LIG3: variants seen among roughly 807,000 people sequenced by gnomAD.
LIG3 encodes DNA ligase 3, also known as ligase II, DNA, ATP-dependent.
LIG3 carries 58 observed loss-of-function variants against 110.9 expected under a neutral mutation model. The observed-to-expected ratio is 0.52, with a 90% CI of 0.42 to 0.65. The LOEUF is 0.65. LIG3 is among the 30% of genes least tolerant of loss of function. LIG3 has a pLI of 0.00. For missense variants in LIG3, 1,094 were observed against 1,273.8 expected, an observed-to-expected ratio of 0.86 and a Z score of 2.15; for synonymous variants, 422 against 472.8, an observed-to-expected ratio of 0.89 and a Z score of 1.39.
chr17:34,992,622 A>C lies in LIG3; in HGVS notation c.1385A>C (p.Glu462Ala). 1 of 1,613,818 alleles carries C rather than the reference A, an allele frequency of 6.2e-7. No homozygotes were observed. The highest frequency in any genetic ancestry group is 8.5e-7 in the Non-Finnish European group (1 of 1,179,878). Residue 462 changes from glutamate to alanine, a missense_variant, in exon 8 of 20, where the codon GAG (glutamate) becomes GCG (alanine). Transcript: ENST00000378526. Reference protein sequence around the residue: ...ERVLHNAQEVEKEPGQRRALS... With the variant: ...ERVLHNAQEVAKEPGQRRALS... ...GTCCTTCACAACGCGCAGGAGGTGG[A>C]GAAGGAGCCGGGCCAGAGACGAGCT... is the stretch of plus-strand genomic sequence containing the variant.
At chr17:34,985,458 G>A (rs1055975963) in intron 2 of LIG3, among the ~76,000 whole-genome samples, 1 of 152,116 alleles carries the variant, frequency 6.6e-6, no homozygotes, top group African/African-American at 2.4e-5. Flanking sequence ...TATTGGCCTC[G>A]GCCTTTGTTA....
At chr17:35,002,639 C>A (rs749953081) in intron 18 of LIG3, 29 bp from the exon 19 acceptor site, 1 of 1,604,562 alleles carries the variant, frequency 6.2e-7, no homozygotes, top group South Asian at 1.1e-5. Flanking sequence ...GTGTGCACCA[C>A]CACACCCAGC....
At chr17:35,002,985 T>G (rs1165149349) in intron 19 of LIG3, 196 bp downstream of exon 19, 2 of 1,614,064 alleles carry the variant, frequency 1.2e-6, no homozygotes, top group Non-Finnish European at 1.7e-6. Flanking sequence ...GTCCTCTTGT[T>G]GCCTTGCAGA....
intron 13 of LIG3, 62 bp from the exon 14 acceptor site, chr17:34,998,542 G>A: frequency 6.3e-7 from 1 of 1,594,522 alleles, no homozygotes; most frequent in South Asian, 1.1e-5. Context: ...GCAGTGAAGG[G>A]GTGAACCCAT....
chr17:34,982,727 G>A (rs905112564), intron 1 of LIG3, among the ~76,000 whole-genome samples: 2 of 151,794 alleles, frequency 1.3e-5, no homozygotes, highest in Non-Finnish European at 2.9e-5. Flanking sequence ...TGTTGCTGAT[G>A]GCCTAAAAAG....
rs1895450401 is a variant in LIG3, at chr17:35,008,928, GCCCTTGTTTGTTTTTTTAAGTAGAGA to G, written c.*4424_*4449del. On this transcript the variant is annotated 3_prime_UTR_variant, in exon 20 of 20. Coordinates refer to ENST00000378526, the MANE Select transcript of LIG3 (RefSeq NM_013975.4). The stretch of plus-strand genomic sequence containing the variant: ...TTACAGGCGTGAGCCACCGCACCCG[GCCCTTGTTTGTTTTTTTAAGTAGAGA>G]CAAGGTCTCACTACATTGCCCAGGT... 6.6e-6 allele frequency: 1 copy of G among 152,228 alleles called. No homozygotes were observed. Among genetic ancestry groups the G allele is most frequent in the Non-Finnish European group, 1.5e-5 (1 of 68,080 alleles). 9.4% of individuals were successfully genotyped at this position (152,228 alleles called of 1,614,324 possible).
rs199806002 is a variant in LIG3, at chr17:34,989,646, G to T, written c.872G>T (p.Arg291Leu). Reference sequence around the variant, plus strand: ...ACCCAGATCATCCAGGACTTCCTTCGGAAAGGCTCAGCAGGAGGTGTGGCA... The same window carrying T: ...ACCCAGATCATCCAGGACTTCCTTCTGAAAGGCTCAGCAGGAGGTGTGGCA... ...TKTQIIQDFL[R>L]KGSAGDGFHG... is the part of the protein sequence containing the mutation. The change falls in exon 4 of 20, where the codon CGG becomes CTG. Residue 291 changes from arginine to leucine, a missense_variant. Coordinates refer to ENST00000378526, the MANE Select transcript of LIG3 (RefSeq NM_013975.4). The T allele has an allele frequency of 6.2e-7, 1 of 1,614,084 alleles. No homozygotes were observed. Among genetic ancestry groups the T allele is most frequent in the Admixed American group, 1.7e-5 (1 of 60,014 alleles).
In LIG3 at chr17:34,989,603, C is replaced by A; in HGVS notation, c.829C>A (p.Pro277Thr). The change falls in exon 4 of 20, where the codon CCT (proline) becomes ACT (threonine). Residue 277 changes from proline (P) to threonine (T), a missense_variant. By Grantham distance (38) the Pro-to-Thr change is conservative (BLOSUM62 -1). Transcript: ENST00000378526. ...GTTATGCGCCATGGTGGCCGATAAT[C>A]CTAGCTACAACACGAAGACCCAGAT... is the stretch of plus-strand genomic sequence containing the variant. Reference protein sequence around the residue: ...RKLCAMVADNPSYNTKTQIIQ... With the variant: ...RKLCAMVADNTSYNTKTQIIQ... The A allele has an allele frequency of 6.2e-7, 1 of 1,614,110 alleles. No homozygotes were observed. The highest frequency in any genetic ancestry group is 8.5e-7 in the Non-Finnish European group (1 of 1,180,024).
intron 4 of LIG3, chr17:34,989,964 T>G (rs1400238258): frequency 2.7e-6 from 1 of 367,826 alleles, no homozygotes; most frequent in Non-Finnish European, 5.1e-6. Flanking sequence ...GTTAGAAAAT[T>G]TACTGTCCTA....
Position 34,986,003 on chromosome 17 carries a change from C to T in LIG3, c.563C>T (p.Ala188Val), listed in dbSNP as rs1173241938. ...GATCCTACAGATCTGTCTTCTAAGG[C>T]AGCAGGTACACCAAAGAAGAAAGCT... ...TQHIADLSSKAAGTPKKKAVV... is the reference protein window; with the variant it reads ...TQHIADLSSKVAGTPKKKAVV... The change falls in exon 3 of 20, where the codon GCA (alanine) becomes GTA (valine). Residue 188 changes from alanine to valine, a missense_variant. Transcript: ENST00000378526. The T allele has an allele frequency of 9.3e-6, 15 of 1,614,034 alleles. No homozygotes were observed. Among genetic ancestry groups the T allele is most frequent in the East Asian group, 6.7e-5 (3 of 44,872 alleles).
chr17:34,988,177 C>T (rs906567736), intron 3 of LIG3, among the ~76,000 whole-genome samples: 24 of 119,684 alleles, frequency 2.0e-4, no homozygotes, highest in Non-Finnish European at 3.2e-4. Flanking sequence ...TGGGCGACAG[C>T]GAGACTCTGT....
At position 34,996,552 on chromosome 17, in the gene LIG3, A is replaced by C. The variant is rs913598914; in HGVS notation, c.1744-22A>C. 3 of 1,596,612 alleles carry C rather than the reference A, an allele frequency of 1.9e-6. No homozygotes were observed. In the African/African-American group the frequency reaches 4.0e-5, roughly 21 times the overall value. ...ACTGACTTTTGTCCTATGTGTACCT[A>C]CTACCTCATTTTCCCTTACAGAAAG... On this transcript the variant is annotated intron_variant, in intron 10 of 19. Transcript: ENST00000378526.
Position 34,996,606 on chromosome 17 carries a change from G to A in LIG3, c.1776G>A (p.Leu592=), listed in dbSNP as rs905319348. The change falls in exon 11 of 20, where the codon CTG becomes CTA. Residue 592 remains leucine, a synonymous_variant. Transcript: ENST00000378526. ...KAAFQDANVC[L]FVFDCIYFND... ...CCTTCCAGGATGCTAATGTCTGCCTGTTTGTTTTTGATTGTATCTACTTTA... is the reference window on the plus strand; with the variant it reads ...CCTTCCAGGATGCTAATGTCTGCCTATTTGTTTTTGATTGTATCTACTTTA... The A allele has an allele frequency of 1.9e-6, 3 of 1,613,928 alleles. No individual in the cohort carries two copies. The African/African-American group carries it at 4.0e-5, about 22-fold the overall frequency.
In LIG3 at chr17:34,984,647, C is replaced by CT. The variant is rs1048138062; in HGVS notation, c.547+1109dup. Among the ~76,000 whole-genome samples, 602 of 132,900 alleles carry CT rather than the reference C, an allele frequency of 4.5e-3. 1 individual carries two copies. The highest frequency in any genetic ancestry group is 0.011 in the African/African-American group (386 of 36,446). The allele number at this position is 132,900 out of a possible 152,430, so 87.2% of individuals were successfully genotyped here. ...CATTGTCATGGGGTATCTGTTTCTT[C>CT]TTTTTTTTTTTTTTGAGAGTCTCAC... On this transcript the variant is annotated intron_variant, in intron 2 of 19. Transcript: ENST00000378526.
At chr17:34,988,564 G>A (rs2090683899) in intron 3 of LIG3, among the ~76,000 whole-genome samples, 1 of 152,188 alleles carries the variant, frequency 6.6e-6, no homozygotes, top group African/African-American at 2.4e-5. Context: ...GGAGGTGAAA[G>A]GGAATCACCG....
chr17:34,992,178 T>A, intron 7 of LIG3, 143 bp downstream of exon 7: 1 of 742,368 alleles, frequency 1.3e-6, no homozygotes, highest in Non-Finnish European at 2.3e-6. Context: ...GATCTGTCAC[T>A]TGACCTGTCT....
chr17:34,985,947 G>A (rs767913970), intron 2 of LIG3, 41 bp from the exon 3 acceptor site: 5 of 1,593,362 alleles, frequency 3.1e-6, no homozygotes, highest in South Asian at 2.2e-5. Flanking sequence ...TTCAGAGATC[G>A]TTCACTGAAG....
rs2142269399 is a variant in LIG3, at chr17:34,996,610, G to A, written c.1780G>A (p.Val594Ile). 1 of 1,614,048 alleles carries A rather than the reference G, an allele frequency of 6.2e-7. No individual in the cohort carries two copies. The highest frequency in any genetic ancestry group is 2.2e-5 in the East Asian group (1 of 44,886). The change falls in exon 11 of 20, where the codon GTT becomes ATT. Residue 594 changes from valine to isoleucine, a missense_variant. Physicochemically the swap from Val to Ile is conservative, Grantham distance 29 (BLOSUM62 3). Transcript: ENST00000378526. ...AFQDANVCLF[V>I]FDCIYFNDVS... ...CCAGGATGCTAATGTCTGCCTGTTT[G>A]TTTTTGATTGTATCTACTTTAATGA... is the stretch of plus-strand genomic sequence containing the variant.
At chr17:34,982,647 C>CA (rs201908775) in intron 1 of LIG3, among the ~76,000 whole-genome samples, 1,472 of 79,504 alleles carry the variant, frequency 0.019, 21 homozygotes, top group African/African-American at 0.053. Flanking sequence ...AACTCCGCCT[C>CA]AAAAAAAAAA....
Sources: gnomAD v4.1 joint callset for allele counts (sites outside exome capture counted in the v4.1 genomes callset) on GRCh38, gnomAD v4.1.1 for gene constraint, MANE v1.5 for transcripts, NCBI Gene and HGNC (gene_info 2026-07-23, HGNC 2026-07-21) for gene names.